CDCA2: variants seen among roughly 807,000 people sequenced by gnomAD.
CDCA2 encodes cell division cycle-associated protein 2.
CDCA2 carries 44 observed loss-of-function variants against 67.0 expected under a neutral mutation model. The observed-to-expected ratio is 0.66, with a 90% CI of 0.52 to 0.84. The LOEUF (loss-of-function observed/expected upper bound fraction) is 0.84, where lower values mean the gene tolerates loss of function less well. Ranked by LOEUF, CDCA2 falls within the 40% of genes least tolerant of loss-of-function variation. The pLI is 0.00. For missense variants in CDCA2, 1,253 were observed against 1,203.2 expected, an observed-to-expected ratio of 1.04 and a Z score of -0.61; for synonymous variants, 447 against 418.7, an observed-to-expected ratio of 1.07 and a Z score of -0.82.
intron 7 of CDCA2, among the ~76,000 whole-genome samples, chr8:25,476,549 CT>C (rs911608785): frequency 6.6e-6 from 1 of 150,840 alleles, no homozygotes. Context: ...GGGCCAGCCT[CT>C]TTTTTTTCTT....
At chr8:25,470,003 A>T in intron 7 of CDCA2, 23 bp downstream of exon 7, 4 of 1,468,824 alleles carry the variant, frequency 2.7e-6, no homozygotes, top group Non-Finnish European at 2.8e-6. Flanking sequence ...TTCTTAGTAC[A>T]TGGCCAGTTG....
intron 13 of CDCA2, among the ~76,000 whole-genome samples, chr8:25,500,484 G>A (rs920907240): frequency 6.6e-6 from 1 of 151,996 alleles, no homozygotes; most frequent in Non-Finnish European, 1.5e-5. Context: ...TATGCCATAC[G>A]TATATTCAAT....
chr8:25,480,220 A>G (rs2117509781), intron 8 of CDCA2, 96 bp downstream of exon 8: 2 of 1,020,926 alleles, frequency 2.0e-6, no homozygotes, highest in Non-Finnish European at 2.8e-6. Context: ...GCTAGTTTAA[A>G]AGGAAATGTC....
intron 13 of CDCA2, among the ~76,000 whole-genome samples, chr8:25,501,478 C>T (rs1207532250): frequency 6.6e-6 from 1 of 152,236 alleles, no homozygotes; most frequent in Non-Finnish European, 1.5e-5. Flanking sequence ...GCTCCTGCCA[C>T]TCCTGCATGG....
intron 4 of CDCA2, 34 bp downstream of exon 4, chr8:25,462,242 C>A: frequency 6.2e-7 from 1 of 1,604,404 alleles, no homozygotes; most frequent in East Asian, 2.2e-5. Flanking sequence ...TCGTGAATTC[C>A]GTTAATGAAG....
Position 25,496,277 on chromosome 8 carries a change from CT to C in CDCA2, c.1672-7088del, listed in dbSNP as rs1261541183. On this transcript the variant is annotated intron_variant, in intron 13 of 14. Transcript: ENST00000330560. ...CATGAAATAACACATAAGTTTATTA[CT>C]TTTTTTTAATTAATGGACACTTTAG... 5.3e-5 allele frequency among the ~76,000 whole-genome samples: 8 copies of C among 152,054 alleles called. 1 individual carries two copies. The South Asian group carries it at 6.2e-4, about 12-fold the overall frequency.
At chr8:25,492,082 C>T (rs1215674395) in intron 13 of CDCA2, among the ~76,000 whole-genome samples, 2 of 151,990 alleles carry the variant, frequency 1.3e-5, no homozygotes, top group Non-Finnish European at 2.9e-5. Context: ...AGGCGTGAGC[C>T]ACCACGCCTG....
At chr8:25,497,284 G>A (rs568288005) in intron 13 of CDCA2, among the ~76,000 whole-genome samples, 1 of 152,158 alleles carries the variant, frequency 6.6e-6, no homozygotes, top group African/African-American at 2.4e-5. Flanking sequence ...ATCAAAGAGC[G>A]ATAACCAAGT....
chr8:25,476,661 T>C (rs969909527), intron 7 of CDCA2, among the ~76,000 whole-genome samples: 3 of 151,854 alleles, frequency 2.0e-5, no homozygotes, highest in Non-Finnish European at 4.4e-5. Flanking sequence ...CAGGTGATTC[T>C]CCTAACCCAG....
rs1804683758 is a variant in CDCA2, at chr8:25,506,563, G to T, written c.1897G>T (p.Val633Leu). 8.1e-6 allele frequency: 13 copies of T among 1,597,502 alleles called. No homozygotes were observed. The highest frequency in any genetic ancestry group is 1.7e-6 in the Non-Finnish European group (2 of 1,175,830). Reference sequence around the variant, plus strand: ...AGAAGTGAAGACTCCTAAAAATCCAGTGAAAAGAAAGGATCTTTTGCGTCA... The same window carrying T: ...AGAAGTGAAGACTCCTAAAAATCCATTGAAAAGAAAGGATCTTTTGCGTCA... ...LEEVKTPKNPVKRKDLLRHDP... is the reference protein window; with the variant it reads ...LEEVKTPKNPLKRKDLLRHDP... Residue 633 changes from valine (V) to leucine (L), a missense_variant, in exon 15 of 15, where the codon GTG becomes TTG. By Grantham distance (32) the Val-to-Leu change is conservative. Coordinates refer to ENST00000330560, the MANE Select transcript of CDCA2 (RefSeq NM_152562.4).
chr8:25,465,901 C>G (rs773661699), intron 4 of CDCA2, among the ~76,000 whole-genome samples: 11 of 152,138 alleles, frequency 7.2e-5, no homozygotes, highest in Non-Finnish European at 1.3e-4. Context: ...CCTCCTGTCC[C>G]TTTTTTGTTG....
At chr8:25,474,973 A>G (rs1318680271) in intron 7 of CDCA2, among the ~76,000 whole-genome samples, 1 of 152,202 alleles carries the variant, frequency 6.6e-6, no homozygotes, top group Non-Finnish European at 1.5e-5. Flanking sequence ...CTCCTTCCAC[A>G]GGTAATCACT....
At chr8:25,483,763 C>G (rs1384754353) in intron 9 of CDCA2, among the ~76,000 whole-genome samples, 2 of 152,122 alleles carry the variant, frequency 1.3e-5, no homozygotes, top group African/African-American at 4.8e-5. Context: ...ACTTGGAAAT[C>G]TGTTGCCATA....
Position 25,507,655 on chromosome 8 carries a change from A to C in CDCA2, c.2989A>C (p.Arg997=). ...CACTTCCCAGTTCAAAGGCTACCGG[A>C]GAAGATCCTCTCTTAATGGGAAGGG... ...KATSQFKGYR[R]RSSLNGKGES... is the part of the protein sequence containing the mutation. The change falls in exon 15 of 15, where the codon AGA becomes CGA. Residue 997 remains arginine (R), a synonymous_variant. Coordinates refer to ENST00000330560, the MANE Select transcript of CDCA2 (RefSeq NM_152562.4). 7 of 1,614,200 alleles carry C rather than the reference A, an allele frequency of 4.3e-6. No individual in the cohort carries two copies. The highest frequency in any genetic ancestry group is 5.9e-6 in the Non-Finnish European group (7 of 1,180,030).
rs886064434 is a variant in CDCA2 at position 25,483,416 on chromosome 8, CTA to C, written c.1052_1053del (p.Tyr351Ter). On this transcript the variant is annotated frameshift_variant, in exon 9 of 15. Transcript: ENST00000330560. LOFTEE classifies it high-confidence loss of function. ...ESLQEHCNNL[Y>X]DDDGTHPSLI... ...CTGTTTAGGAACACTGTAACAACCT[CTA>C]TGATGATGATGGGACTCATCCGAGC... 52 of 1,608,072 alleles carry C rather than the reference CTA, an allele frequency of 3.2e-5. No individual in the cohort carries two copies. Among genetic ancestry groups the C allele is most frequent in the Non-Finnish European group, 4.2e-5 (50 of 1,177,238 alleles).
chr8:25,494,957 C>A (rs998200598), intron 13 of CDCA2, among the ~76,000 whole-genome samples: 3 of 152,116 alleles, frequency 2.0e-5, no homozygotes, highest in African/African-American at 7.2e-5. Flanking sequence ...CCAAGAGACA[C>A]CAGCCCTGCC....
At chr8:25,474,450 T>C (rs1427381468) in intron 7 of CDCA2, among the ~76,000 whole-genome samples, 1 of 152,222 alleles carries the variant, frequency 6.6e-6, no homozygotes, top group African/African-American at 2.4e-5. Context: ...AATTCAGTCG[T>C]CTTCTCACTC....
At chr8:25,502,178 A>G (rs1804505890) in intron 13 of CDCA2, among the ~76,000 whole-genome samples, 1 of 152,132 alleles carries the variant, frequency 6.6e-6, no homozygotes, top group Non-Finnish European at 1.5e-5. Flanking sequence ...TACAGGCGTA[A>G]GCCACCACGC....
chr8:25,469,280 C>G (rs574395864), intron 6 of CDCA2, among the ~76,000 whole-genome samples: 5 of 152,338 alleles, frequency 3.3e-5, no homozygotes, highest in African/African-American at 1.2e-4. Flanking sequence ...ATTCTTCAGG[C>G]TCCAGTGGGT....
Sources: gnomAD v4.1 joint callset for allele counts (sites outside exome capture counted in the v4.1 genomes callset) on GRCh38, gnomAD v4.1.1 for gene constraint, MANE v1.5 for transcripts, NCBI Gene and HGNC (gene_info 2026-07-23, HGNC 2026-07-21) for gene names.